Variants in SEMA5B observed in about 807,000 individuals in gnomAD.
The protein encoded by SEMA5B is semaphorin-5B.
SEMA5B carries 66 observed loss-of-function variants against 135.0 expected under a neutral mutation model. That is an observed-to-expected ratio of 0.49 (90% CI 0.40 to 0.60). The LOEUF (loss-of-function observed/expected upper bound fraction) is 0.60, where lower values mean the gene tolerates loss of function less well. Ranked by LOEUF, SEMA5B falls within the 20% of genes least tolerant of loss-of-function variation. The pLI, the probability that SEMA5B is intolerant of heterozygous loss-of-function variation, is 0.00. For missense variants in SEMA5B, 1,501 were observed against 1,566.3 expected (o/e 0.96, Z 0.70); for synonymous variants, 690 against 639.5 (o/e 1.08, Z -1.19).
At chr3:123,010,128 C>T (rs551651581) in intron 1 of SEMA5B, among the ~76,000 whole-genome samples, 4 of 152,226 alleles carry the variant, frequency 2.6e-5, no homozygotes, top group South Asian at 4.2e-4. Flanking sequence ...GGGTGAGAGG[C>T]GGGGAGTGCC....
At chr3:122,948,748 C>T (rs756534148) in intron 2 of SEMA5B, 39 bp from the exon 3 acceptor site, 1 of 1,499,020 alleles carries the variant, frequency 6.7e-7, no homozygotes, top group Non-Finnish European at 9.1e-7. Context: ...GCGCTCCCTC[C>T]AACTGGGCCC....
At chr3:122,923,823 C>T (rs1373348761) in intron 9 of SEMA5B, 71 bp from the exon 10 acceptor site, 2 of 1,564,634 alleles carry the variant, frequency 1.3e-6, no homozygotes, top group Admixed American at 3.3e-5. Flanking sequence ...AACCCCACAG[C>T]CAGCTGTCAT....
chr3:122,948,541 C>T lies in SEMA5B; in HGVS notation c.293G>A (p.Cys98Tyr). 6.2e-7 allele frequency: 1 copy of T among 1,610,466 alleles called. No homozygotes were observed. The highest frequency in any genetic ancestry group is 8.5e-7 in the Non-Finnish European group (1 of 1,177,446). Reference protein sequence around the residue: ...SSEPSSEQQLCALSKHPTVAF... With the variant: ...SSEPSSEQQLYALSKHPTVAF... ...CACGGTGGGGTGCTTGCTAAGGGCGCACAGCTGCTGCTCACTGCTGGGCTC... is the reference window on the plus strand; with the variant it reads ...CACGGTGGGGTGCTTGCTAAGGGCGTACAGCTGCTGCTCACTGCTGGGCTC... Residue 98 changes from cysteine (C) to tyrosine (Y), a missense_variant, in exon 3 of 23, where the codon TGC becomes TAC. Cys to Tyr is a radical substitution (Grantham distance 194, BLOSUM62 -2). Around this residue, in one of 2 missense-constraint regions of SEMA5B, gnomAD observed 574 missense variants for 684.7 expected, o/e 0.84. Coordinates refer to ENST00000357599, the MANE Select transcript of SEMA5B (RefSeq NM_001031702.4).
intron 3 of SEMA5B, among the ~76,000 whole-genome samples, chr3:122,944,642 A>G (rs1469353726): frequency 6.6e-6 from 1 of 152,182 alleles, no homozygotes; most frequent in African/African-American, 2.4e-5. Flanking sequence ...GTTGTTCCCA[A>G]TCAAGGCCTT....
At chr3:122,922,565 C>T (rs891001086) in intron 10 of SEMA5B, 118 bp from the exon 11 acceptor site, 2 of 881,642 alleles carry the variant, frequency 2.3e-6, no homozygotes, top group Non-Finnish European at 1.7e-6. Context: ...TTCTCCAGCA[C>T]CCCCCACCCC....
upstream of SEMA5B, among the ~76,000 whole-genome samples, chr3:123,028,182 A>C (rs556227940): frequency 6.6e-6 from 1 of 152,076 alleles, no homozygotes; most frequent in South Asian, 2.1e-4. Flanking sequence ...AGCTCCCCCA[A>C]ACCCCACTCC....
chr3:123,014,183 A>C (rs1295591769), intron 1 of SEMA5B, among the ~76,000 whole-genome samples: 1 of 152,200 alleles, frequency 6.6e-6, no homozygotes, highest in Non-Finnish European at 1.5e-5. Flanking sequence ...CCAGTGGGCC[A>C]CACAGTCCTC....
intron 1 of SEMA5B, among the ~76,000 whole-genome samples, chr3:122,999,865 G>A (rs1281062622): frequency 1.3e-5 from 2 of 152,162 alleles, no homozygotes; most frequent in Non-Finnish European, 2.9e-5. Flanking sequence ...CAACAGCTAT[G>A]GGGACAGAGA....
Position 122,910,151 on chromosome 3 carries a change from T to TGG in SEMA5B, c.3446_3447dup (p.Asn1150ProfsTer59). 1 of 1,614,098 alleles carries TGG rather than the reference T, an allele frequency of 6.2e-7. No homozygotes were observed. The highest frequency in any genetic ancestry group is 8.5e-7 in the Non-Finnish European group (1 of 1,179,962). Reference sequence around the variant, plus strand: ...TCCCCAGGACGGCGGTATCAGCTGTTGGGGAAGCACCGTTGTCCAGGTGAG... The same window carrying TGG: ...TCCCCAGGACGGCGGTATCAGCTGTTGGGGGGAAGCACCGTTGTCCAGGTGAG... On this transcript the variant is annotated frameshift_variant, in exon 23 of 23. Transcript: ENST00000357599. LOFTEE classifies it high-confidence loss of function.
At chr3:123,026,182 G>GAGAAGGT (rs1401177144) in intron 1 of SEMA5B, among the ~76,000 whole-genome samples, 1 of 152,240 alleles carries the variant, frequency 6.6e-6, no homozygotes, top group South Asian at 2.1e-4. Context: ...GTTAGGGCCA[G>GAGAAGGT]AGAAGGTAGG....
At chr3:122,927,768 C>T (rs767261079) in intron 8 of SEMA5B, 22 bp downstream of exon 8, 78 of 1,397,532 alleles carry the variant, frequency 5.6e-5, no homozygotes, top group Non-Finnish European at 7.0e-5. Context: ...AGTCCCCACC[C>T]CTGGCACTGG....
At chr3:122,965,968 T>C (rs1471974653) in intron 1 of SEMA5B, among the ~76,000 whole-genome samples, 8 of 152,116 alleles carry the variant, frequency 5.3e-5, no homozygotes, top group Non-Finnish European at 2.9e-5. Flanking sequence ...TGTGGATACA[T>C]GAATGGCTGG....
intron 1 of SEMA5B, among the ~76,000 whole-genome samples, chr3:122,996,202 G>A (rs1414352832): frequency 1.3e-5 from 2 of 152,242 alleles, no homozygotes; most frequent in African/African-American, 4.8e-5. Context: ...GCATCTACTG[G>A]GGTTGCAGGT....
At chr3:122,991,463 G>T (rs1941875100) in intron 1 of SEMA5B, among the ~76,000 whole-genome samples, 1 of 152,134 alleles carries the variant, frequency 6.6e-6, no homozygotes, top group South Asian at 2.1e-4. Context: ...TGTCACAAAT[G>T]AAGGTGCTAC....
At chr3:122,977,812 AGGCTT>A (rs937334066) in intron 1 of SEMA5B, among the ~76,000 whole-genome samples, 7 of 152,264 alleles carry the variant, frequency 4.6e-5, no homozygotes, top group Non-Finnish European at 8.8e-5. Flanking sequence ...CTGATGCACT[AGGCTT>A]GGCACAATGC....
chr3:122,961,396 A>C, intron 1 of SEMA5B, 95 bp from the exon 2 acceptor site: 1 of 1,083,020 alleles, frequency 9.2e-7, no homozygotes. Context: ...CAGGGACCAC[A>C]TGGTTGCTGC....
intron 4 of SEMA5B, among the ~76,000 whole-genome samples, chr3:122,942,707 A>G (rs1435212641): frequency 6.6e-6 from 1 of 152,192 alleles, no homozygotes; most frequent in Non-Finnish European, 1.5e-5. Flanking sequence ...AAGGGTTGCT[A>G]AAACACAGGT....
rs910474629 is a variant in SEMA5B, at chr3:122,913,402, T to A, written c.2303A>T (p.Glu768Val). The A allele has an allele frequency of 5.1e-6, 8 of 1,576,152 alleles. No homozygotes were observed. In the Admixed American group the frequency reaches 1.2e-4, roughly 24 times the overall value. ...GTTGCGCCGCACTTCGGGGCAGCCC[T>A]CGGGGTTGCACGTCTTGAACTCCTG... Reference protein sequence around the residue: ...CGVEFKTCNPEGCPEVRRNTP... With the variant: ...CGVEFKTCNPVGCPEVRRNTP... The change falls in exon 17 of 23, where the codon GAG becomes GTG. Residue 768 changes from glutamate to valine, a missense_variant. Transcript: ENST00000357599.
intron 9 of SEMA5B, 110 bp from the exon 10 acceptor site, chr3:122,923,862 T>A: frequency 8.0e-7 from 1 of 1,251,710 alleles, no homozygotes; most frequent in Non-Finnish European, 1.1e-6. Context: ...TGTAAGCATC[T>A]ATGATGTGTC....
Sources: gnomAD v4.1 joint callset for allele counts (sites outside exome capture counted in the v4.1 genomes callset) on GRCh38, gnomAD v4.1.1 for gene constraint, gnomAD v4.1.1 regional missense constraint, MANE v1.5 for transcripts, NCBI Gene and HGNC (gene_info 2026-07-23, HGNC 2026-07-21) for gene names.